Variants in MAP4K4 observed in about 807,000 individuals in gnomAD.
MAP4K4 encodes the protein mitogen-activated protein kinase kinase kinase kinase 4, also known as HPK/GCK-like kinase HGK.
MAP4K4 carries 38 observed loss-of-function variants against 189.6 expected under a neutral mutation model. That is an observed-to-expected ratio of 0.20 (90% CI 0.15 to 0.26). The LOEUF is 0.26. Ranked by LOEUF, MAP4K4 falls within the 10% of genes least tolerant of loss-of-function variation. The probability of loss-of-function intolerance (pLI) is 1.00; values close to 1 mark genes in which losing one functional copy is unlikely to be tolerated. For missense variants in MAP4K4, 1,054 were observed against 1,726.9 expected, an observed-to-expected ratio of 0.61 and a Z score of 6.91; for synonymous variants, 610 against 624.3, an observed-to-expected ratio of 0.98 and a Z score of 0.34.
At chr2:101,883,617 T>C (rs367937678) in intron 28 of MAP4K4, among the ~76,000 whole-genome samples, 9 of 152,348 alleles carry the variant, frequency 5.9e-5, no homozygotes, top group East Asian at 5.8e-4. Context: ...TGTTATAGTC[T>C]AACAGAATTT....
intron 2 of MAP4K4, among the ~76,000 whole-genome samples, chr2:101,781,796 A>C (rs10187716): frequency 0.2 from 29,915 of 152,018 alleles, 6,462 homozygotes; most frequent in African/African-American, 0.54. Context: ...TGCACCCTTC[A>C]TTATCTGCTC....
chr2:101,853,890 G>A (rs2097362065), intron 12 of MAP4K4, among the ~76,000 whole-genome samples: 1 of 152,130 alleles, frequency 6.6e-6, no homozygotes, highest in African/African-American at 2.4e-5. Flanking sequence ...ACTAGAAGAT[G>A]ACATAGCACT....
chr2:101,849,182 G>A (rs1046291046), intron 12 of MAP4K4, among the ~76,000 whole-genome samples: 1 of 152,140 alleles, frequency 6.6e-6, no homozygotes, highest in Non-Finnish European at 1.5e-5. Context: ...GAGTGCAGTG[G>A]TGCAATCTCA....
At chr2:101,831,427 T>C (rs534650249) in intron 6 of MAP4K4, among the ~76,000 whole-genome samples, 1 of 152,244 alleles carries the variant, frequency 6.6e-6, no homozygotes, top group South Asian at 2.1e-4. Flanking sequence ...GCACTGAAGG[T>C]TGTGGTTCAT....
At chr2:101,725,395 A>AC (rs1553508530) in intron 2 of MAP4K4, among the ~76,000 whole-genome samples, 78 of 151,354 alleles carry the variant, frequency 5.2e-4, no homozygotes, top group African/African-American at 1.5e-3. Flanking sequence ...AGCAAAAAAA[A>AC]AAAAACAAAA....
In MAP4K4 at chr2:101,785,643, G is replaced by C. The variant is rs548022767; in HGVS notation, c.124-5077G>C. Among the ~76,000 whole-genome samples, 56 of 147,788 alleles carry C rather than the reference G, an allele frequency of 3.8e-4. 7 individuals carry two copies. The highest frequency in any genetic ancestry group is 3.0e-5 in the Non-Finnish European group (2 of 67,224). Reference sequence around the variant, plus strand: ...TGATAGTAGAACATTTGAGAAGATAGGAACATTGCCATCTTCTTCTTTCTT... The same window carrying C: ...TGATAGTAGAACATTTGAGAAGATACGAACATTGCCATCTTCTTCTTTCTT... On this transcript the variant is annotated intron_variant, in intron 2 of 32. Transcript: ENST00000324219.
At chr2:101,866,337 C>A in intron 18 of MAP4K4, 91 bp from the exon 19 acceptor site, 1 of 1,254,924 alleles carries the variant, frequency 8.0e-7, no homozygotes, top group Non-Finnish European at 1.1e-6. Context: ...ACTTTAAAGA[C>A]ATTGGATGGG....
chr2:101,851,758 C>T (rs13392989), intron 12 of MAP4K4, among the ~76,000 whole-genome samples: 4,730 of 55,026 alleles, frequency 0.086, 292 homozygotes, highest in African/African-American at 0.22. Context: ...TTTTTTTTTG[C>T]CTTAGCTATT....
At chr2:101,860,587 A>G (rs2097615536) in intron 15 of MAP4K4, 1 of 422,180 alleles carries the variant, frequency 2.4e-6, no homozygotes, top group Non-Finnish European at 4.2e-6. Context: ...ATTCTGAGCA[A>G]GGAGGAGAGC....
chr2:101,804,845 G>C (rs891878056), intron 3 of MAP4K4, among the ~76,000 whole-genome samples: 3 of 152,114 alleles, frequency 2.0e-5, no homozygotes, highest in African/African-American at 7.2e-5. Flanking sequence ...ACCTTGGGAA[G>C]CCAAGGTGGT....
chr2:101,824,412 C>G (rs957320671), intron 4 of MAP4K4, among the ~76,000 whole-genome samples: 13 of 152,072 alleles, frequency 8.5e-5, no homozygotes, highest in Non-Finnish European at 1.9e-4. Context: ...GTAAATTGAG[C>G]TTACCACTTG....
At chr2:101,812,571 G>A (rs2149176997) in intron 3 of MAP4K4, among the ~76,000 whole-genome samples, 1 of 152,192 alleles carries the variant, frequency 6.6e-6, no homozygotes, top group South Asian at 2.1e-4. Flanking sequence ...TATGAAATGT[G>A]TAGGTAGTAG....
intron 2 of MAP4K4, among the ~76,000 whole-genome samples, chr2:101,724,995 C>T (rs1006522636): frequency 1.6e-4 from 24 of 152,104 alleles, no homozygotes; most frequent in Admixed American, 1.5e-3. Context: ...AGGTTTGTAG[C>T]CTAGGAGCAA....
intron 3 of MAP4K4, among the ~76,000 whole-genome samples, chr2:101,811,408 T>A (rs2095421180): frequency 6.8e-6 from 1 of 146,862 alleles, no homozygotes; most frequent in African/African-American, 2.5e-5. Context: ...GGAAGTAGTT[T>A]TGCTGGCCTG....
intron 2 of MAP4K4, among the ~76,000 whole-genome samples, chr2:101,767,779 G>C (rs1347561850): frequency 2.6e-5 from 4 of 152,178 alleles, no homozygotes; most frequent in East Asian, 1.9e-4. Context: ...GGTTGTCATA[G>C]CCTTTAATTA....
chr2:101,811,239 C>T (rs1471017545), intron 3 of MAP4K4, among the ~76,000 whole-genome samples: 3 of 151,578 alleles, frequency 2.0e-5, no homozygotes, highest in East Asian at 1.9e-4. Flanking sequence ...GGCTTGGTGG[C>T]GGGTGCCTGT....
At chr2:101,785,695 T>TTTTCCTTTTTTGAGTTGGTGTCTTG (rs1558913593) in intron 2 of MAP4K4, among the ~76,000 whole-genome samples, 1 of 4,448 alleles carries the variant, frequency 2.2e-4, no homozygotes, top group Non-Finnish European at 3.6e-4. Flanking sequence ...TCTCTCTCTC[T>TTTTCCTTTTTTGAGTTGGTGTCTTG]CTCTCTCTCT....
At chr2:101,843,821 T>G (rs1405715580) in intron 11 of MAP4K4, among the ~76,000 whole-genome samples, 1 of 152,232 alleles carries the variant, frequency 6.6e-6, no homozygotes, top group Non-Finnish European at 1.5e-5. Context: ...CAACCTTTCC[T>G]TTTACTGAGT....
At chr2:101,735,430 A>G (rs930174200) in intron 2 of MAP4K4, among the ~76,000 whole-genome samples, 20 of 152,194 alleles carry the variant, frequency 1.3e-4, no homozygotes, top group African/African-American at 3.9e-4. Context: ...CTTCTGTTCA[A>G]TGCCCAATCA....
Sources: gnomAD v4.1 joint callset for allele counts (sites outside exome capture counted in the v4.1 genomes callset) on GRCh38, gnomAD v4.1.1 for gene constraint, MANE v1.5 for transcripts, NCBI Gene and HGNC (gene_info 2026-07-23, HGNC 2026-07-21) for gene names.